Variants in DDX3X observed in about 807,000 individuals in gnomAD.
DDX3X encodes the protein ATP-dependent RNA helicase DDX3X.
A neutral mutation model predicts 52.7 loss-of-function variants in DDX3X; 4 were observed. That is an observed-to-expected ratio of 0.08 (90% CI 0.04 to 0.17). The LOEUF is 0.17. DDX3X is among the 10% of genes least tolerant of loss of function. DDX3X has a pLI of 1.00. For missense variants in DDX3X, 222 were observed against 548.6 expected (o/e 0.40, Z 5.95); for synonymous variants, 192 against 178.1 (o/e 1.08, Z -0.62).
intron 5 of DDX3X, among the ~76,000 whole-genome samples, chrX:41,361,452 C>T (rs1469781401): frequency 4.5e-5 from 5 of 110,625 alleles, no homozygotes; most frequent in East Asian, 5.7e-4. Context: ...GCGGAGGTTG[C>T]GGTGAGTTGA....
chrX:41,360,377 C>CAA (rs1222630328), intron 5 of DDX3X, among the ~76,000 whole-genome samples: 1 of 80,491 alleles, frequency 1.2e-5, no homozygotes, highest in African/African-American at 4.5e-5. Context: ...AACTCTGTCT[C>CAA]AAAAAAAAAA....
chrX:41,355,810 T>C (rs1343822139), intron 5 of DDX3X, among the ~76,000 whole-genome samples: 1 of 110,231 alleles, frequency 9.1e-6, no homozygotes, highest in Non-Finnish European at 1.9e-5. Context: ...TTTTGGCTGC[T>C]CTAATTGGTG....
At chrX:41,334,117 G>C, upstream of DDX3X, 3 of 579,534 alleles carry the variant, frequency 5.2e-6, no homozygotes, top group Non-Finnish European at 8.4e-6. Flanking sequence ...GACGTAGCCG[G>C]CTTTCCAGCG....
rs2063971455 is a variant in DDX3X at position 41,350,087 on chromosome X, TAA to T, written c.*2370_*2371del. The T allele has an allele frequency of 8.9e-6, 1 of 112,325 alleles. No individual in the cohort carries two copies. The highest frequency in any genetic ancestry group is 9.5e-5 in the Admixed American group (1 of 10,504). 9.3% of individuals were successfully genotyped at this position (112,325 alleles called of 1,213,427 possible). On this transcript the variant is annotated 3_prime_UTR_variant, in exon 17 of 17. Transcript: ENST00000644876. ...TGTAAGGATTTAAACTTGCTGAATG[TAA>T]AGATTGAACCTCAAGTCACTGTAGC...
At position 41,344,311 on chromosome X, in the gene DDX3X, T is replaced by C. The variant is rs762545072; in HGVS notation, c.937T>C (p.Leu313=). Residue 313 remains leucine, a synonymous_variant, in exon 10 of 17, where the codon TTG becomes CTG. Coordinates refer to ENST00000644876, the MANE Select transcript of DDX3X (RefSeq NM_001356.5). ...GADIGQQIRD[L]ERGCHLLVAT... ...CGATATTGGTCAGCAGATTCGAGAC[T>C]TGGAACGTGGATGCCATTTGTTAGT... is the stretch of plus-strand genomic sequence containing the variant. The C allele has an allele frequency of 1.7e-6, 2 of 1,212,104 alleles. No individual in the cohort carries two copies. The highest frequency in any genetic ancestry group is 5.9e-5 in the East Asian group (2 of 33,894).
At chrX:41,350,939 G>A (rs2063980539), downstream of DDX3X, 1 of 111,880 alleles carries the variant, frequency 8.9e-6, no homozygotes, top group Non-Finnish European at 1.9e-5. Context: ...GTATGATTAA[G>A]AATTTTTTGC....
chrX:41,357,549 C>T (rs1303209089), intron 5 of DDX3X, among the ~76,000 whole-genome samples: 1 of 110,870 alleles, frequency 9.0e-6, no homozygotes, highest in African/African-American at 3.3e-5. Flanking sequence ...CCTGCATTAG[C>T]CTCCTGAATA....
rs1225804340 is a variant in DDX3X at position 41,343,818 on chromosome X, T to G, written c.761T>G (p.Met254Arg). 1 of 1,197,634 alleles carries G rather than the reference T, an allele frequency of 8.3e-7. No individual in the cohort carries two copies. The highest frequency in any genetic ancestry group is 1.1e-6 in the Non-Finnish European group (1 of 886,763). ...SDGPGEALRA[M>R]KENGRYGRRK... ...GGTCCAGGCGAGGCTTTGAGGGCCA[T>G]GAAGGTAGATGTTTCTTTATAAAAT... is the stretch of plus-strand genomic sequence containing the variant. Residue 254 changes from methionine to arginine, a missense_variant, in exon 8 of 17, where the codon ATG becomes AGG. Met to Arg is a moderately conservative substitution (Grantham distance 91). Coordinates refer to ENST00000644876, the MANE Select transcript of DDX3X (RefSeq NM_001356.5).
Position 41,347,382 on chromosome X carries a change from A to G in DDX3X, c.1840A>G (p.Ser614Gly), listed in dbSNP as rs756678720. The G allele has an allele frequency of 2.5e-6, 3 of 1,211,685 alleles. No homozygotes were observed. The highest frequency in any genetic ancestry group is 1.8e-5 in the South Asian group (1 of 57,008). ...QSSGASSSSFSSSRASSSRSG... is the reference protein window; with the variant it reads ...QSSGASSSSFGSSRASSSRSG... ...TAGCGGTGCCAGCAGTTCCAGCTTC[A>G]GCAGCAGCCGCGCAAGCAGCAGCCG... Residue 614 changes from serine (S) to glycine (G), a missense_variant, in exon 16 of 17, where the codon AGC becomes GGC. This residue lies in a region of DDX3X where 38 missense variants were observed against 52.0 expected (regional missense o/e 0.73). Transcript: ENST00000644876.
intron 2 of DDX3X, chrX:41,338,480 C>T (rs1167782828): frequency 9.0e-6 from 1 of 111,708 alleles, no homozygotes; most frequent in Non-Finnish European, 1.9e-5. Context: ...TATCCATATT[C>T]TAGGCTGTAC....
chrX:41,356,666 G>T (rs939623986), intron 5 of DDX3X, among the ~76,000 whole-genome samples: 1 of 108,617 alleles, frequency 9.2e-6, no homozygotes, highest in Non-Finnish European at 1.9e-5. Flanking sequence ...GGGTTTCACC[G>T]TGTTGGTCAG....
intron 2 of DDX3X, chrX:41,338,042 G>C (rs2063796620): frequency 9.0e-6 from 1 of 111,052 alleles, no homozygotes; most frequent in Non-Finnish European, 1.9e-5. Flanking sequence ...TTTTGGATTG[G>C]TGGTTAGGTT....
chrX:41,355,693 A>G (rs1287579030), intron 5 of DDX3X, among the ~76,000 whole-genome samples: 1 of 93,306 alleles, frequency 1.1e-5, no homozygotes, highest in Non-Finnish European at 2.1e-5. Context: ...TGCCCAGGCC[A>G]GTCTTGAATT....
chrX:41,341,736 G>A (rs181111216), intron 4 of DDX3X, 120 bp downstream of exon 4: 9 of 681,487 alleles, frequency 1.3e-5, no homozygotes, highest in Non-Finnish European at 1.9e-5. Flanking sequence ...TTTCTTAGCC[G>A]TAAGAGGCTT....
intron 1 of DDX3X, chrX:41,336,360 A>C (rs775020731): frequency 8.9e-6 from 1 of 112,335 alleles, no homozygotes; most frequent in South Asian, 3.7e-4. Context: ...CTACCAGTGT[A>C]AGGGGATAGG....
Position 41,343,798 on chromosome X carries a change from A to T in DDX3X, c.741A>T (p.Pro247=), listed in dbSNP as rs2063885189. 2 of 1,209,774 alleles carry T rather than the reference A, an allele frequency of 1.7e-6. No homozygotes were observed. Among genetic ancestry groups the T allele is most frequent in the Non-Finnish European group, 1.1e-6 (1 of 894,130 alleles). The change falls in exon 8 of 17, where the codon CCA becomes CCT. Residue 247 remains proline (P), a synonymous_variant. Transcript: ENST00000644876. ...TGAGTCAGATTTATTCAGATGGTCC[A>T]GGCGAGGCTTTGAGGGCCATGAAGG... ...PILSQIYSDG[P]GEALRAMKEN...
chrX:41,359,712 C>T (rs920924450), intron 5 of DDX3X, among the ~76,000 whole-genome samples: 3 of 110,499 alleles, frequency 2.7e-5, no homozygotes, highest in Non-Finnish European at 5.7e-5. Context: ...GTGGCTCATG[C>T]CTGTAATCCC....
chrX:41,334,642 G>A, intron 1 of DDX3X: 1 of 1,068,477 alleles, frequency 9.4e-7, no homozygotes, highest in African/African-American at 1.8e-5. Context: ...GCGGGAGTGC[G>A]CAGCGCGGCG....
downstream of DDX3X, chrX:41,350,758 AT>A (rs2063978380): frequency 9.0e-6 from 1 of 111,705 alleles, no homozygotes; most frequent in African/African-American, 3.2e-5. Flanking sequence ...GCAAGACCTT[AT>A]CTCTGAAAAC....
Sources: gnomAD v4.1 joint callset for allele counts (sites outside exome capture counted in the v4.1 genomes callset) on GRCh38, gnomAD v4.1.1 for gene constraint, gnomAD v4.1.1 regional missense constraint, MANE v1.5 for transcripts, NCBI Gene and HGNC (gene_info 2026-07-23, HGNC 2026-07-21) for gene names.